Variants in TNNI3K observed in about 807,000 individuals in gnomAD.
TNNI3K encodes TNNI3 interacting kinase, also known as serine/threonine-protein kinase TNNI3K.
Under a neutral mutation model 114.5 loss-of-function variants are expected in TNNI3K, and 140 were observed. That is an observed-to-expected ratio of 1.22 (90% CI 1.07 to 1.41). TNNI3K has a LOEUF of 1.41. Among genes scored for constraint, TNNI3K ranks in the 40% most tolerant of loss-of-function variants. The probability of loss-of-function intolerance (pLI) is 0.00; values close to 1 mark genes in which losing one functional copy is unlikely to be tolerated. For synonymous variants in TNNI3K, 347 were observed against 347.5 expected (o/e 1.00, Z 0.02); for missense variants, 1,125 against 1,007.6 (o/e 1.12, Z -1.58).
intron 5 of TNNI3K, among the ~76,000 whole-genome samples, chr1:74,308,394 AACTT>A (rs1391994542): frequency 6.6e-5 from 10 of 152,170 alleles, no homozygotes; most frequent in East Asian, 1.9e-4. Flanking sequence ...AAAACTAAAA[AACTT>A]ACTCCTGAAT....
intron 20 of TNNI3K, among the ~76,000 whole-genome samples, chr1:74,456,680 C>T (rs551212401): frequency 1.1e-4 from 16 of 152,102 alleles, no homozygotes; most frequent in Non-Finnish European, 2.4e-4. Flanking sequence ...TCCTGTGTGA[C>T]GCCAGCTGGT....
rs186898537 is a variant in TNNI3K at position 74,508,051 on chromosome 1, A to G, written c.2351+15785A>G. On this transcript the variant is annotated intron_variant, in intron 23 of 24. Transcript: ENST00000326637. ...TAATGCAATGTGATTGTATACAATG[A>G]CGGGCACACGACTCTAGTGTATTCT... Among the ~76,000 whole-genome samples, 478 of 152,340 alleles carry G rather than the reference A, an allele frequency of 3.1e-3. 1 individual carries two copies. The highest frequency in any genetic ancestry group is 0.011 in the African/African-American group (462 of 41,586).
chr1:74,368,172 A>T (rs1015490120), intron 13 of TNNI3K, among the ~76,000 whole-genome samples: 1 of 151,928 alleles, frequency 6.6e-6, no homozygotes, highest in Non-Finnish European at 1.5e-5. Context: ...AAAATTTCAC[A>T]TAACTATTAA....
At chr1:74,461,752 C>T (rs1308087199) in intron 20 of TNNI3K, among the ~76,000 whole-genome samples, 3 of 151,988 alleles carry the variant, frequency 2.0e-5, no homozygotes, top group Non-Finnish European at 4.4e-5. Context: ...ATTGTTGTAC[C>T]GAAGTCTTTA....
At chr1:74,390,965 G>GGA (rs1663734693) in intron 17 of TNNI3K, among the ~76,000 whole-genome samples, 2 of 131,740 alleles carry the variant, frequency 1.5e-5, no homozygotes, top group East Asian at 2.2e-4. Flanking sequence ...ATTTTTTTCC[G>GGA]AAAAAAAAAA....
chr1:74,379,935 G>A (rs1663113175), intron 17 of TNNI3K, among the ~76,000 whole-genome samples: 1 of 151,958 alleles, frequency 6.6e-6, no homozygotes, highest in African/African-American at 2.4e-5. Context: ...TTTAATTTTG[G>A]CTGCATTCAC....
Position 74,406,608 on chromosome 1 carries a change from A to G in TNNI3K, c.1773-29472A>G, listed in dbSNP as rs148750728. Among the ~76,000 whole-genome samples the G allele has an allele frequency of 3.3e-3, 499 of 152,330 alleles. 2 individuals are homozygous for G. Among genetic ancestry groups the G allele is most frequent in the African/African-American group, 0.011 (469 of 41,576 alleles). ...CTCTGGTGATTAGATTGGGACTACC[A>G]TGATATTTCACAATAATCTCCTTAT... is the stretch of plus-strand genomic sequence containing the variant. On this transcript the variant is annotated intron_variant, in intron 17 of 24. Transcript: ENST00000326637.
chr1:74,420,187 A>C (rs1450774322), intron 17 of TNNI3K, among the ~76,000 whole-genome samples: 1 of 152,164 alleles, frequency 6.6e-6, no homozygotes, highest in African/African-American at 2.4e-5. Context: ...TAAAAGCCAA[A>C]AATTAACTAG....
chr1:74,297,522 C>CGTGTGTGTGTGT (rs10633137), intron 5 of TNNI3K, among the ~76,000 whole-genome samples: 5,408 of 145,388 alleles, frequency 0.037, 126 homozygotes, highest in Admixed American at 0.07. Flanking sequence ...TGTGTGTGTG[C>CGTGTGTGTGTGT]GTGTGTGTGT....
chr1:74,309,776 C>G (rs999508979), intron 5 of TNNI3K, among the ~76,000 whole-genome samples: 2 of 152,196 alleles, frequency 1.3e-5, no homozygotes, highest in African/African-American at 4.8e-5. Flanking sequence ...TGATAAAAAT[C>G]CTCAACAAAT....
At chr1:74,237,490 C>T (rs74566678) in intron 2 of TNNI3K, among the ~76,000 whole-genome samples, 1 of 151,940 alleles carries the variant, frequency 6.6e-6, no homozygotes, top group Non-Finnish European at 1.5e-5. Context: ...TTTTAAAGGT[C>T]AAAGCCTCAG....
chr1:74,284,732 C>A (rs1196554687), intron 5 of TNNI3K, among the ~76,000 whole-genome samples: 1 of 152,196 alleles, frequency 6.6e-6, no homozygotes. Context: ...AGAGGTTGCA[C>A]ATTTTTTTGT....
chr1:74,323,224 T>C (rs1659718999), intron 5 of TNNI3K, among the ~76,000 whole-genome samples: 1 of 152,186 alleles, frequency 6.6e-6, no homozygotes, highest in Admixed American at 6.5e-5. Context: ...AAGGAATTAC[T>C]AGCTGGCCCC....
chr1:74,406,137 G>C (rs549795705), intron 17 of TNNI3K, among the ~76,000 whole-genome samples: 2 of 152,312 alleles, frequency 1.3e-5, no homozygotes, highest in Admixed American at 6.5e-5. Flanking sequence ...GGCAGAAACA[G>C]TTCTTGTGGT....
intron 21 of TNNI3K, chr1:74,471,442 AC>A (rs1667928388): frequency 2.5e-6 from 1 of 400,532 alleles, no homozygotes; most frequent in Non-Finnish European, 4.4e-6. Flanking sequence ...ATGGACTCTG[AC>A]TTTTCTAAAA....
intron 4 of TNNI3K, among the ~76,000 whole-genome samples, chr1:74,258,148 C>A (rs974577759): frequency 6.6e-6 from 1 of 152,140 alleles, no homozygotes; most frequent in African/African-American, 2.4e-5. Context: ...GTATCACCAC[C>A]ATTCACCTTT....
intron 17 of TNNI3K, among the ~76,000 whole-genome samples, chr1:74,383,801 C>T (rs566664272): frequency 6.6e-6 from 1 of 152,126 alleles, no homozygotes; most frequent in East Asian, 1.9e-4. Flanking sequence ...AGGTATTGAA[C>T]TCAATGCTTT....
chr1:74,543,082 T>C lies in TNNI3K; in HGVS notation c.2432-824T>C, dbSNP rs1278141972. On this transcript the variant is annotated intron_variant, in intron 24 of 24. Transcript: ENST00000326637. ...TTTTTCCCTTTTTTTTTTTTTTTTT[T>C]TTTTTTTTTTTGAGATGGAGTCTTG... Among the ~76,000 whole-genome samples, 10 of 132,124 alleles carry C rather than the reference T, an allele frequency of 7.6e-5. 1 individual carries two copies. Among genetic ancestry groups the C allele is most frequent in the Non-Finnish European group, 1.1e-4 (7 of 62,026 alleles). The allele number at this position is 132,124 out of a possible 152,430, so 86.7% of individuals were successfully genotyped here.
intron 22 of TNNI3K, 123 bp from the exon 23 acceptor site, chr1:74,491,974 G>C: frequency 1.5e-6 from 2 of 1,337,864 alleles, no homozygotes; most frequent in Non-Finnish European, 2.0e-6. Flanking sequence ...CCAGGAGCAA[G>C]CTGAGTGAAT....
Sources: allele counts gnomAD v4.1 joint callset (sites outside exome capture counted in the v4.1 genomes callset), GRCh38; gene constraint gnomAD v4.1.1; transcripts MANE v1.5; gene names NCBI Gene and HGNC (gene_info 2026-07-23, HGNC 2026-07-21).